The following ADCYAP1R1 variants were observed in gnomAD, a reference collection of about 807,000 sequenced individuals.
The protein encoded by ADCYAP1R1 is pituitary adenylate cyclase-activating polypeptide type I receptor.
ADCYAP1R1 carries 44 observed loss-of-function variants against 67.6 expected under a neutral mutation model. The ratio of observed to expected loss-of-function variants is 0.65; its 90% CI spans 0.51 to 0.84. ADCYAP1R1 has a LOEUF of 0.84. ADCYAP1R1 is among the 40% of genes least tolerant of loss of function. ADCYAP1R1 has a pLI of 0.00. For synonymous variants in ADCYAP1R1, 222 were observed against 219.6 expected, an observed-to-expected ratio of 1.01 and a Z score of -0.10; for missense variants, 477 against 587.9, an observed-to-expected ratio of 0.81 and a Z score of 1.95.
intron 4 of ADCYAP1R1, among the ~76,000 whole-genome samples, chr7:31,079,721 A>T (rs934921630): frequency 6.6e-6 from 1 of 152,058 alleles, no homozygotes; most frequent in Non-Finnish European, 1.5e-5. Context: ...TTTGTCTAAG[A>T]TGCACTGCAC....
chr7:31,062,526 G>GT (rs1277672884), intron 1 of ADCYAP1R1, among the ~76,000 whole-genome samples: 2 of 152,208 alleles, frequency 1.3e-5, no homozygotes. Context: ...TCCCTCTGGC[G>GT]TAACAGTCTG....
rs1562661941 is a variant in ADCYAP1R1 at position 31,106,662 on chromosome 7, C to A, written c.1385C>A (p.Pro462His). ...SSSQIRMSGLPADNLAT is the reference protein window; with the variant it reads ...SSSQIRMSGLHADNLAT ...TCCCAAATCCGCATGTCTGGCCTCCCTGCTGACAATCTGGCCACCTGAGCC... is the reference window on the plus strand; with the variant it reads ...TCCCAAATCCGCATGTCTGGCCTCCATGCTGACAATCTGGCCACCTGAGCC... The change falls in exon 16 of 16, where the codon CCT (proline) becomes CAT (histidine). Residue 462 changes from proline to histidine, a missense_variant. By Grantham distance (77) the Pro-to-His change is moderately conservative (BLOSUM62 -2). Transcript: ENST00000304166. The A allele has an allele frequency of 6.2e-7, 1 of 1,610,526 alleles. No individual in the cohort carries two copies. The highest frequency in any genetic ancestry group is 1.3e-5 in the African/African-American group (1 of 74,866).
At chr7:31,092,861 T>C (rs1264743408) in intron 13 of ADCYAP1R1, 126 bp downstream of exon 13, 1 of 674,996 alleles carries the variant, frequency 1.5e-6, no homozygotes, top group Non-Finnish European at 2.5e-6. Flanking sequence ...TTGCAGATCT[T>C]CTTCTGATTA....
intron 13 of ADCYAP1R1, among the ~76,000 whole-genome samples, chr7:31,101,730 T>C (rs1796445371): frequency 6.6e-6 from 1 of 152,198 alleles, no homozygotes; most frequent in Non-Finnish European, 1.5e-5. Context: ...CATGGATTTC[T>C]TCATGGAACA....
chr7:31,053,800 G>C (rs1443205866), intron 1 of ADCYAP1R1, among the ~76,000 whole-genome samples: 2 of 152,210 alleles, frequency 1.3e-5, no homozygotes, highest in Non-Finnish European at 2.9e-5. Context: ...GTTGGGGGAT[G>C]GGAAGGGGCT....
intron 9 of ADCYAP1R1, 96 bp downstream of exon 9, chr7:31,085,538 G>A (rs1386942623): frequency 1.4e-6 from 2 of 1,404,974 alleles, no homozygotes; most frequent in East Asian, 2.4e-5. Context: ...CTGACACCCT[G>A]CAGATCAAGT....
intron 13 of ADCYAP1R1, 109 bp from the exon 14 acceptor site, chr7:31,103,128 C>G: frequency 6.1e-6 from 9 of 1,474,454 alleles, no homozygotes; most frequent in Non-Finnish European, 8.2e-6. Context: ...GGACACGGGC[C>G]CCAGCTTGGA....
At chr7:31,055,307 G>T (rs1794192372) in intron 1 of ADCYAP1R1, among the ~76,000 whole-genome samples, 1 of 150,236 alleles carries the variant, frequency 6.7e-6, no homozygotes, top group Non-Finnish European at 1.5e-5. Flanking sequence ...GTCCAGCTGA[G>T]TATTGAATTG....
chr7:31,065,172 C>T (rs1794683680), intron 3 of ADCYAP1R1, among the ~76,000 whole-genome samples: 1 of 152,176 alleles, frequency 6.6e-6, no homozygotes, highest in South Asian at 2.1e-4. Flanking sequence ...ACATGGCTGC[C>T]TTCTCTCCCA....
chr7:31,096,243 A>C (rs1431265454), intron 13 of ADCYAP1R1, among the ~76,000 whole-genome samples: 1 of 152,134 alleles, frequency 6.6e-6, no homozygotes, highest in Admixed American at 6.5e-5. Flanking sequence ...GCTTGGGTGG[A>C]GGAGGGAAAA....
intron 13 of ADCYAP1R1, among the ~76,000 whole-genome samples, chr7:31,103,034 C>T (rs574415590): frequency 1.3e-5 from 2 of 152,316 alleles, no homozygotes; most frequent in South Asian, 2.1e-4. Flanking sequence ...GAGTGTCTTG[C>T]AGACTGGGGA....
At chr7:31,061,595 G>A (rs757844633) in intron 1 of ADCYAP1R1, among the ~76,000 whole-genome samples, 4 of 152,178 alleles carry the variant, frequency 2.6e-5, no homozygotes, top group Non-Finnish European at 5.9e-5. Context: ...CAGGCTTCTC[G>A]GAGCATCTCT....
At chr7:31,058,439 G>A (rs1016896937) in intron 1 of ADCYAP1R1, among the ~76,000 whole-genome samples, 1 of 152,174 alleles carries the variant, frequency 6.6e-6, no homozygotes, top group African/African-American at 2.4e-5. Flanking sequence ...TGAGGCCTGA[G>A]GAGGAAAGGG....
chr7:31,111,172 C>A lies in ADCYAP1R1; in HGVS notation c.*4488C>A, dbSNP rs1584565200. 6.6e-6 allele frequency: 1 copy of A among 152,196 alleles called. No homozygotes were observed. The highest frequency in any genetic ancestry group is 2.1e-4 in the South Asian group (1 of 4,822). 9.4% of individuals were successfully genotyped at this position (152,196 alleles called of 1,614,324 possible). On this transcript the variant is annotated 3_prime_UTR_variant, in exon 16 of 16. Coordinates refer to ENST00000304166, the MANE Select transcript of ADCYAP1R1 (RefSeq NM_001118.5). Reference sequence around the variant, plus strand: ...TTTTGGTGTGCCCATTCCTTCTTTTCCTGAACTCACAGTCTTGGGGTGTTT... The same window carrying A: ...TTTTGGTGTGCCCATTCCTTCTTTTACTGAACTCACAGTCTTGGGGTGTTT...
chr7:31,076,574 C>T lies in ADCYAP1R1; in HGVS notation c.158-1417C>T, dbSNP rs539777995. On this transcript the variant is annotated intron_variant, in intron 3 of 15. Transcript: ENST00000304166. Reference sequence around the variant, plus strand: ...CTCAGTTCGTCTGTCCCTTCCTCTCCATCAGTCTGGAGATGCTGTGGGGGG... The same window carrying T: ...CTCAGTTCGTCTGTCCCTTCCTCTCTATCAGTCTGGAGATGCTGTGGGGGG... Among the ~76,000 whole-genome samples, 144 of 152,326 alleles carry T rather than the reference C, an allele frequency of 9.5e-4. 1 individual carries two copies. Among genetic ancestry groups the T allele is most frequent in the Non-Finnish European group, 1.9e-3 (127 of 68,034 alleles).
At position 31,067,696 on chromosome 7, in the gene ADCYAP1R1, G is replaced by C. The variant is rs569644213; in HGVS notation, c.157+2760G>C. Among the ~76,000 whole-genome samples the C allele has an allele frequency of 5.3e-5, 8 of 152,270 alleles. No homozygotes were observed. In the East Asian group the frequency reaches 1.5e-3, roughly 29 times the overall value. ...TGTGGGTCCCAGCACCCCCCCGGGCGCAGCACCAGCCATGGGATCTTTGAA... is the reference window on the plus strand; with the variant it reads ...TGTGGGTCCCAGCACCCCCCCGGGCCCAGCACCAGCCATGGGATCTTTGAA... On this transcript the variant is annotated intron_variant, in intron 3 of 15. Coordinates refer to ENST00000304166, the MANE Select transcript of ADCYAP1R1 (RefSeq NM_001118.5).
At chr7:31,084,104 C>T (rs778276208) in intron 6 of ADCYAP1R1, 37 bp from the exon 7 acceptor site, 56 of 1,577,986 alleles carry the variant, frequency 3.5e-5, no homozygotes, top group Non-Finnish European at 1.9e-5. Flanking sequence ...CCCTCTTAAT[C>T]ATTTCTGGGC....
chr7:31,056,471 C>G (rs1203677229), intron 1 of ADCYAP1R1, among the ~76,000 whole-genome samples: 1 of 152,114 alleles, frequency 6.6e-6, no homozygotes, highest in African/African-American at 2.4e-5. Context: ...GAACCAGGTC[C>G]TGCCTTCTGT....
intron 12 of ADCYAP1R1, 112 bp downstream of exon 12, chr7:31,087,808 T>C: frequency 1.3e-6 from 1 of 756,624 alleles, no homozygotes; most frequent in Non-Finnish European, 2.2e-6. Context: ...TCCTCTGTCA[T>C]GGCTGCATTA....
Sources: allele counts gnomAD v4.1 joint callset (sites outside exome capture counted in the v4.1 genomes callset), GRCh38; gene constraint gnomAD v4.1.1; transcripts MANE v1.5; gene names NCBI Gene and HGNC (gene_info 2026-07-23, HGNC 2026-07-21).